Variants in UBR7 observed in about 807,000 individuals in gnomAD.
UBR7 encodes putative E3 ubiquitin-protein ligase UBR7.
UBR7 carries 22 observed loss-of-function variants against 57.0 expected under a neutral mutation model. The observed-to-expected ratio is 0.39, with a 90% CI of 0.28 to 0.55. The LOEUF is 0.55. Ranked by LOEUF, UBR7 falls within the 20% of genes least tolerant of loss-of-function variation. The pLI is 0.69. For synonymous variants in UBR7, 167 were observed against 179.8 expected, an observed-to-expected ratio of 0.93 and a Z score of 0.57; for missense variants, 395 against 513.2, an observed-to-expected ratio of 0.77 and a Z score of 2.23.
At chr14:93,223,793 C>G (rs1257196635) in intron 10 of UBR7, 1 of 739,712 alleles carries the variant, frequency 1.4e-6, no homozygotes, top group Admixed American at 1.8e-5. Flanking sequence ...TGCCAGGCGC[C>G]CATAGACCTC....
At chr14:93,217,983 A>G (rs1894623104) in intron 6 of UBR7, among the ~76,000 whole-genome samples, 1 of 151,582 alleles carries the variant, frequency 6.6e-6, no homozygotes, top group Admixed American at 6.6e-5. Flanking sequence ...AATCCCAGCT[A>G]CTCAGGGGGC....
rs1260772830 is a variant in UBR7 at position 93,227,244 on chromosome 14, A to G, written c.*209A>G. On this transcript the variant is annotated 3_prime_UTR_variant, in exon 11 of 11. Transcript: ENST00000013070. ...CTCTGTGACTCAGCTGATGCAGCTC[A>G]TTCCACAGACTTCTCCAGTGTACTC... The G allele has an allele frequency of 1.6e-6, 1 of 631,608 alleles. No homozygotes were observed. Among genetic ancestry groups the G allele is most frequent in the Non-Finnish European group, 2.9e-6 (1 of 342,130 alleles). The allele number at this position is 631,608 out of a possible 1,614,324, so 39.1% of individuals were successfully genotyped here. A position where few individuals can be genotyped will look rare whatever the true frequency, so the allele number is the denominator to read the frequency against.
At chr14:93,224,199 T>C in intron 10 of UBR7, 7 of 548,952 alleles carry the variant, frequency 1.3e-5, no homozygotes, top group South Asian at 1.0e-4. Flanking sequence ...TTCTTTGTCA[T>C]AGATGTGGGA....
Position 93,228,118 on chromosome 14 carries a change from G to A in UBR7, c.*1083G>A, listed in dbSNP as rs1038627757. 1.4e-5 allele frequency: 9 copies of A among 665,188 alleles called. No homozygotes were observed. The highest frequency in any genetic ancestry group is 3.9e-4 in the Middle Eastern group (1 of 2,574). 41.2% of individuals were successfully genotyped at this position (665,188 alleles called of 1,614,324 possible). A position where few individuals can be genotyped will look rare whatever the true frequency, so the allele number is the denominator to read the frequency against. The stretch of plus-strand genomic sequence containing the variant: ...GGAAGAGATTACAAACAAGGCCCGA[G>A]GCTGCACGAATGATGAGTTTTGTGT... On this transcript the variant is annotated 3_prime_UTR_variant, in exon 11 of 11. Transcript: ENST00000013070.
chr14:93,213,696 CCTT>C (rs1281426274), intron 4 of UBR7, among the ~76,000 whole-genome samples: 12 of 152,052 alleles, frequency 7.9e-5, no homozygotes, highest in African/African-American at 2.7e-4. Flanking sequence ...TCCATAATAA[CCTT>C]CTCTCTGAAT....
chr14:93,219,441 C>G (rs1421012189), intron 8 of UBR7, 80 bp downstream of exon 8: 1 of 1,556,158 alleles, frequency 6.4e-7, no homozygotes, highest in Non-Finnish European at 8.8e-7. Context: ...GGAAAACATT[C>G]AATTTTTGTA....
chr14:93,224,897 C>G (rs1466214323), intron 10 of UBR7, among the ~76,000 whole-genome samples: 1 of 146,280 alleles, frequency 6.8e-6, no homozygotes, highest in Non-Finnish European at 1.5e-5. Context: ...GGTGCTGTTG[C>G]ACCTCCACTC....
At chr14:93,225,414 C>T (rs1482080090) in intron 10 of UBR7, among the ~76,000 whole-genome samples, 2 of 148,152 alleles carry the variant, frequency 1.3e-5, no homozygotes, top group Non-Finnish European at 3.0e-5. Context: ...ATTGCTTGAG[C>T]TCAGGAGTTC....
At chr14:93,218,094 C>CA (rs33950162) in intron 6 of UBR7, among the ~76,000 whole-genome samples, 41,494 of 134,208 alleles carry the variant, frequency 0.31, 6,455 homozygotes, top group South Asian at 0.42. Context: ...AACTCTATCT[C>CA]AAAAAAAAAA....
At chr14:93,215,028 G>A in intron 5 of UBR7, 46 bp downstream of exon 5, 1 of 1,547,114 alleles carries the variant, frequency 6.5e-7, no homozygotes, top group Non-Finnish European at 8.9e-7. Flanking sequence ...GTCACAAAAA[G>A]ATAAAGGTTA....
At chr14:93,213,330 C>T (rs1419453111) in intron 4 of UBR7, among the ~76,000 whole-genome samples, 1 of 149,950 alleles carries the variant, frequency 6.7e-6, no homozygotes, top group Admixed American at 6.6e-5. Context: ...TTTTTTCAGA[C>T]GGAGTCTCGC....
At chr14:93,215,371 T>G in intron 6 of UBR7, 90 bp downstream of exon 6, 2 of 1,119,800 alleles carry the variant, frequency 1.8e-6, no homozygotes, top group Admixed American at 2.0e-5. Context: ...TATTTTTAAC[T>G]GGGCTCTGTG....
intron 10 of UBR7, among the ~76,000 whole-genome samples, chr14:93,225,131 G>A (rs1048107131): frequency 2.6e-5 from 4 of 151,968 alleles, no homozygotes; most frequent in South Asian, 2.1e-4. Context: ...AGAAAAATGT[G>A]GTATTTTTGT....
At chr14:93,220,165 C>A in intron 8 of UBR7, 84 bp from the exon 9 acceptor site, 2 of 1,428,218 alleles carry the variant, frequency 1.4e-6, no homozygotes, top group Non-Finnish European at 1.9e-6. Context: ...TTTAGTGATT[C>A]TCAGGAAATT....
chr14:93,208,096 G>A (rs1286023674), intron 1 of UBR7, among the ~76,000 whole-genome samples: 1 of 152,152 alleles, frequency 6.6e-6, no homozygotes, highest in African/African-American at 2.4e-5. Context: ...GATCTGTTTG[G>A]CATTTGGAAG....
intron 4 of UBR7, 134 bp from the exon 5 acceptor site, chr14:93,214,795 C>T: frequency 1.3e-6 from 1 of 778,660 alleles, no homozygotes; most frequent in East Asian, 2.7e-5. Flanking sequence ...TTGTAAAGTG[C>T]TTATCTCAAT....
In UBR7 at chr14:93,219,260, A is replaced by C; in HGVS notation, c.859A>C (p.Lys287Gln). The C allele has an allele frequency of 6.2e-7, 1 of 1,614,248 alleles. No homozygotes were observed. Among genetic ancestry groups the C allele is most frequent in the Non-Finnish European group, 8.5e-7 (1 of 1,180,040 alleles). ...SLNAESKSGC[K>Q]LQELKAKQLI... ...CAACGCAGAATCAAAATCTGGCTGC[A>C]AACTTCAGGAGCTTAAAGCTAAGCA... Residue 287 changes from lysine to glutamine, a missense_variant, in exon 8 of 11, where the codon AAA (lysine) becomes CAA (glutamine). By Grantham distance (53) the Lys-to-Gln change is moderately conservative (BLOSUM62 1). Transcript: ENST00000013070.
intron 1 of UBR7, among the ~76,000 whole-genome samples, chr14:93,207,876 A>C (rs948982207): frequency 1.3e-5 from 2 of 152,164 alleles, no homozygotes; most frequent in Admixed American, 1.3e-4. Flanking sequence ...GAGATTTTCA[A>C]ATCCATAGGG....
In UBR7 at chr14:93,227,787, C is replaced by T; in HGVS notation, c.*752C>T. ...TAGAATTTCAGTACTGTAGTGCTCA[C>T]AGGGCTTCCTGGAGAACATTTGCCC... On this transcript the variant is annotated 3_prime_UTR_variant, in exon 11 of 11. Coordinates refer to ENST00000013070, the MANE Select transcript of UBR7 (RefSeq NM_175748.4). 1.4e-6 allele frequency: 1 copy of T among 700,840 alleles called. No individual in the cohort carries two copies. The highest frequency in any genetic ancestry group is 1.7e-5 in the African/African-American group (1 of 57,298). 43.4% of individuals were successfully genotyped at this position (700,840 alleles called of 1,614,324 possible). A position where few individuals can be genotyped will look rare whatever the true frequency, so the allele number is the denominator to read the frequency against.
Sources: allele counts gnomAD v4.1 joint callset (sites outside exome capture counted in the v4.1 genomes callset), GRCh38; gene constraint gnomAD v4.1.1; transcripts MANE v1.5; gene names NCBI Gene and HGNC (gene_info 2026-07-23, HGNC 2026-07-21).